Variants in BTBD7 observed in about 807,000 individuals in gnomAD.
The protein encoded by BTBD7 is BTB domain containing 7.
BTBD7 carries 38 observed loss-of-function variants against 99.9 expected under a neutral mutation model. That is an observed-to-expected ratio of 0.38 (90% confidence interval 0.29 to 0.50). The LOEUF (loss-of-function observed/expected upper bound fraction) is 0.50, where lower values mean the gene tolerates loss of function less well. Among genes scored for constraint, BTBD7 ranks in the 20% least tolerant of loss-of-function variants. BTBD7 has a pLI of 0.93. For missense variants in BTBD7, 1,170 were observed against 1,394.6 expected, an observed-to-expected ratio of 0.84 and a Z score of 2.57; for synonymous variants, 520 against 511.4, an observed-to-expected ratio of 1.02 and a Z score of -0.23.
At chr14:93,279,319 T>C (rs1387015294) in intron 3 of BTBD7, among the ~76,000 whole-genome samples, 2 of 152,194 alleles carry the variant, frequency 1.3e-5, no homozygotes, top group Non-Finnish European at 2.9e-5. Flanking sequence ...CTGTCATTTA[T>C]CTCTAGGCCA....
At chr14:93,318,718 A>G (rs76397468) in intron 1 of BTBD7, among the ~76,000 whole-genome samples, 2,555 of 152,300 alleles carry the variant, frequency 0.017, 79 homozygotes, top group African/African-American at 0.059. Context: ...GTTTACATCA[A>G]ACTGAGAAAT....
intron 1 of BTBD7, among the ~76,000 whole-genome samples, chr14:93,326,638 C>T (rs748076888): frequency 3.3e-5 from 5 of 151,962 alleles, no homozygotes; most frequent in African/African-American, 4.8e-5. Flanking sequence ...CCTGTCTCTA[C>T]TAAAAATACA....
intron 1 of BTBD7, among the ~76,000 whole-genome samples, chr14:93,318,847 T>TG (rs1174320795): frequency 6.6e-6 from 1 of 152,216 alleles, no homozygotes; most frequent in East Asian, 1.9e-4. Flanking sequence ...CTTGGAGTAC[T>TG]GGGACTGTGT....
chr14:93,262,786 T>C (rs1321389813), intron 4 of BTBD7, among the ~76,000 whole-genome samples: 2 of 152,170 alleles, frequency 1.3e-5, no homozygotes, highest in South Asian at 2.1e-4. Context: ...CTCTCTGTTT[T>C]TTTTTTTTTT....
chr14:93,302,833 A>G (rs1167798718), intron 1 of BTBD7, among the ~76,000 whole-genome samples: 1 of 152,066 alleles, frequency 6.6e-6, no homozygotes, highest in Non-Finnish European at 1.5e-5. Flanking sequence ...TGACAGAGTG[A>G]GACTGTCTCA....
intron 1 of BTBD7, among the ~76,000 whole-genome samples, chr14:93,300,289 G>A (rs1412106066): frequency 4.4e-5 from 6 of 137,688 alleles, no homozygotes; most frequent in Non-Finnish European, 6.1e-5. Flanking sequence ...ATGGACTCTC[G>A]CTCTGTCGCC....
At chr14:93,329,998 A>T (rs2053383121) in intron 1 of BTBD7, among the ~76,000 whole-genome samples, 1 of 152,224 alleles carries the variant, frequency 6.6e-6, no homozygotes, top group African/African-American at 2.4e-5. Flanking sequence ...GATATCTGCT[A>T]TCCAAATCCT....
intron 1 of BTBD7, among the ~76,000 whole-genome samples, chr14:93,311,396 C>T (rs2053136430): frequency 6.6e-6 from 1 of 152,076 alleles, no homozygotes; most frequent in South Asian, 2.1e-4. Context: ...GCCCTAATTC[C>T]CTTTAGTGGG....
chr14:93,260,633 A>G (rs905735824), intron 5 of BTBD7, among the ~76,000 whole-genome samples: 1 of 151,142 alleles, frequency 6.6e-6, no homozygotes, highest in African/African-American at 2.4e-5. Context: ...GGCTCACCAC[A>G]ACCTCTGCCT....
chr14:93,251,558 T>C lies in BTBD7; in HGVS notation c.1847A>G (p.Asn616Ser), dbSNP rs187117810. The C allele has an allele frequency of 1.1e-5, 18 of 1,613,992 alleles. No homozygotes were observed. The highest frequency in any genetic ancestry group is 1.6e-4 in the Middle Eastern group (1 of 6,084). Residue 616 changes from asparagine (N) to serine (S), a missense_variant, in exon 8 of 11, where the codon AAT becomes AGT. Around this residue, in one of 4 missense-constraint regions of BTBD7, gnomAD observed 309 missense variants for 342.0 expected, o/e 0.90. Transcript: ENST00000334746. ...GTGACAACACTGTGGCACGGCATTA[T>C]TGACCATGTAGAGCGTGTCTGGCAC... ...SNVPDTLYMVNNAVPQCCHMI... is the reference protein window; with the variant it reads ...SNVPDTLYMVSNAVPQCCHMI...
At chr14:93,290,955 G>T (rs983705664) in intron 3 of BTBD7, among the ~76,000 whole-genome samples, 1 of 149,198 alleles carries the variant, frequency 6.7e-6, no homozygotes, top group Admixed American at 6.7e-5. Context: ...AAAGTGCTGG[G>T]ATTACAAGTG....
intron 3 of BTBD7, among the ~76,000 whole-genome samples, chr14:93,268,907 C>G (rs1308900675): frequency 6.6e-6 from 1 of 151,968 alleles, no homozygotes; most frequent in Non-Finnish European, 1.5e-5. Context: ...TACAGGCACC[C>G]ACCATCATGC....
intron 1 of BTBD7, among the ~76,000 whole-genome samples, chr14:93,321,843 T>C (rs893943935): frequency 4.6e-5 from 7 of 152,118 alleles, no homozygotes; most frequent in African/African-American, 1.7e-4. Context: ...TTTGGGATGA[T>C]ATCCAAGACT....
At chr14:93,249,563 G>A (rs2052349060) in intron 8 of BTBD7, among the ~76,000 whole-genome samples, 1 of 152,218 alleles carries the variant, frequency 6.6e-6, no homozygotes, top group Non-Finnish European at 1.5e-5. Context: ...GGCATGCTGT[G>A]ACTGGTAGGC....
At position 93,332,875 on chromosome 14, in the gene BTBD7, G is replaced by GCCGTCGCCTCCA. The variant is rs2053469287; in HGVS notation, c.-163_-162insTGGAGGCGACGG. Reference sequence around the variant, plus strand: ...CGCTGGGACCGCTGCCGTCGCCTCCGCCGCCGCCGCCACCAGCACCGCCGT... The same window carrying GCCGTCGCCTCCA: ...CGCTGGGACCGCTGCCGTCGCCTCCGCCGTCGCCTCCACCGCCGCCGCCACCAGCACCGCCGT... On this transcript the variant is annotated 5_prime_UTR_variant, in exon 1 of 11. Transcript: ENST00000334746. 4 of 1,449,664 alleles carry GCCGTCGCCTCCA rather than the reference G, an allele frequency of 2.8e-6. No homozygotes were observed. The highest frequency in any genetic ancestry group is 3.6e-6 in the Non-Finnish European group (4 of 1,099,000). The allele number at this position is 1,449,664 out of a possible 1,614,324, so 89.8% of individuals were successfully genotyped here.
At chr14:93,250,928 A>G (rs2052361877) in intron 8 of BTBD7, among the ~76,000 whole-genome samples, 1 of 152,220 alleles carries the variant, frequency 6.6e-6, no homozygotes, top group Non-Finnish European at 1.5e-5. Flanking sequence ...TTAAGGTATG[A>G]TAGTGCATTT....
chr14:93,263,928 A>G lies in BTBD7; in HGVS notation c.1228T>C (p.Ser410Pro). Residue 410 changes from serine to proline, a missense_variant, in exon 4 of 11, where the codon TCT becomes CCT. Around this residue, in one of 4 missense-constraint regions of BTBD7, gnomAD observed 309 missense variants for 342.0 expected, o/e 0.90. Coordinates refer to ENST00000334746, the MANE Select transcript of BTBD7 (RefSeq NM_001002860.4). Reference sequence around the variant, plus strand: ...ACCCATTTAGAGCCATATGGATGAGAACTCCACTTGAGGATGGCAATTAAG... The same window carrying G: ...ACCCATTTAGAGCCATATGGATGAGGACTCCACTTGAGGATGGCAATTAAG... ...DTLIAILKWS[S>P]HPYGSKWVHR... 1.2e-6 allele frequency: 2 copies of G among 1,614,194 alleles called. No homozygotes were observed. The highest frequency in any genetic ancestry group is 1.7e-6 in the Non-Finnish European group (2 of 1,180,026).
chr14:93,327,544 CTT>C (rs1234762456), intron 1 of BTBD7, among the ~76,000 whole-genome samples: 7 of 152,176 alleles, frequency 4.6e-5, no homozygotes, highest in Non-Finnish European at 8.8e-5. Flanking sequence ...GCTAGAAATT[CTT>C]TCTTTTCAGC....
At chr14:93,328,427 T>C (rs571218115) in intron 1 of BTBD7, among the ~76,000 whole-genome samples, 2 of 152,138 alleles carry the variant, frequency 1.3e-5, no homozygotes, top group South Asian at 2.1e-4. Flanking sequence ...ACCAATGGAA[T>C]AGAATACACA....
Sources: allele counts gnomAD v4.1 joint callset (sites outside exome capture counted in the v4.1 genomes callset), GRCh38; gene constraint gnomAD v4.1.1; regional missense constraint gnomAD v4.1.1; transcripts MANE v1.5; gene names NCBI Gene and HGNC (gene_info 2026-07-23, HGNC 2026-07-21).